The following PYGL variants were observed in gnomAD, a reference collection of about 807,000 sequenced individuals.
PYGL encodes glycogen phosphorylase, liver form.
PYGL carries 90 observed loss-of-function variants against 100.1 expected under a neutral mutation model. The ratio of observed to expected loss-of-function variants is 0.90; its 90% CI spans 0.76 to 1.07. The LOEUF (loss-of-function observed/expected upper bound fraction) is 1.07, where lower values mean the gene tolerates loss of function less well. Among genes scored for constraint, PYGL ranks in the 50% least tolerant of loss-of-function variants. PYGL has a pLI of 0.00. For synonymous variants in PYGL, 373 were observed against 393.0 expected (o/e 0.95, Z 0.60); for missense variants, 1,016 against 1,057.6 (o/e 0.96, Z 0.55).
intron 16 of PYGL, among the ~76,000 whole-genome samples, chr14:50,911,332 C>T (rs778244221): frequency 5.3e-5 from 8 of 152,200 alleles, no homozygotes; most frequent in Non-Finnish European, 1.2e-4. Context: ...AAGTGACAGC[C>T]CTTCTTCTCA....
intron 1 of PYGL, among the ~76,000 whole-genome samples, chr14:50,941,806 A>C (rs1277380091): frequency 1.3e-5 from 2 of 152,178 alleles, no homozygotes; most frequent in East Asian, 3.8e-4. Context: ...TGAACCCGAG[A>C]GGCAGAGGTT....
Position 50,944,434 on chromosome 14 carries a change from C to T in PYGL, c.-31G>A, listed in dbSNP as rs2050732991. ...GGGCGGCGGGCTGCGCGGCGGGCTGCGCAGAGAGCTGGAAGTGCGGCCGGA... is the reference window on the plus strand; with the variant it reads ...GGGCGGCGGGCTGCGCGGCGGGCTGTGCAGAGAGCTGGAAGTGCGGCCGGA... On this transcript the variant is annotated 5_prime_UTR_variant, in exon 1 of 20. Transcript: ENST00000216392. 12 of 1,580,636 alleles carry T rather than the reference C, an allele frequency of 7.6e-6. No individual in the cohort carries two copies. Among genetic ancestry groups the T allele is most frequent in the Non-Finnish European group, 1.0e-5 (12 of 1,166,708 alleles).
At chr14:50,931,871 G>T in intron 3 of PYGL, 95 bp from the exon 4 acceptor site, 1 of 942,830 alleles carries the variant, frequency 1.1e-6, no homozygotes, top group Non-Finnish European at 1.7e-6. Flanking sequence ...ACAAAACATT[G>T]TTATATGAAG....
intron 4 of PYGL, among the ~76,000 whole-genome samples, chr14:50,929,173 C>T (rs530864855): frequency 6.6e-5 from 10 of 152,264 alleles, no homozygotes; most frequent in Admixed American, 5.9e-4. Flanking sequence ...GCCTCAGCCC[C>T]CAAGTAGCTG....
chr14:50,941,981 T>C (rs1235703498), intron 1 of PYGL, among the ~76,000 whole-genome samples: 5 of 152,184 alleles, frequency 3.3e-5, no homozygotes, highest in Admixed American at 6.5e-5. Flanking sequence ...CTAGATATGT[T>C]CACTAAACAC....
Position 50,905,230 on chromosome 14 carries a change from T to C in PYGL, c.*162A>G, listed in dbSNP as rs2050318188. On this transcript the variant is annotated 3_prime_UTR_variant, in exon 20 of 20. Coordinates refer to ENST00000216392, the MANE Select transcript of PYGL (RefSeq NM_002863.5). ...TTGGCACTCATGTAGCCCTTGGAAATTGACACTTTATTTTTAAGCTCTATT... is the reference window on the plus strand; with the variant it reads ...TTGGCACTCATGTAGCCCTTGGAAACTGACACTTTATTTTTAAGCTCTATT... The C allele has an allele frequency of 6.8e-6, 5 of 734,144 alleles. No individual in the cohort carries two copies. In the East Asian group the frequency reaches 1.4e-4, roughly 20 times the overall value. The allele number at this position is 734,144 out of a possible 1,614,324, so 45.5% of individuals were successfully genotyped here.
At chr14:50,936,856 C>G (rs1398501606) in intron 2 of PYGL, among the ~76,000 whole-genome samples, 1 of 151,608 alleles carries the variant, frequency 6.6e-6, no homozygotes, top group Non-Finnish European at 1.5e-5. Flanking sequence ...CCCTGCCTGG[C>G]TATAGGCTAC....
In PYGL at chr14:50,917,037, G is replaced by A; in HGVS notation, c.924C>T (p.Ile308=). ...ACTTGGAGGCTTTGAAACGGCGGAT[G>A]ATATCTTGCAAGGTTGCAGCCACCA... is the stretch of plus-strand genomic sequence containing the variant. The part of the protein sequence containing the change: ...YFVVAATLQD[I]IRRFKASKFG... Residue 308 remains isoleucine (I), a synonymous_variant, in exon 8 of 20, where the codon ATC becomes ATT. Coordinates refer to ENST00000216392, the MANE Select transcript of PYGL (RefSeq NM_002863.5). 6.2e-7 allele frequency: 1 copy of A among 1,613,922 alleles called. No individual in the cohort carries two copies. Among genetic ancestry groups the A allele is most frequent in the Non-Finnish European group, 8.5e-7 (1 of 1,179,772 alleles).
chr14:50,932,519 G>C (rs979588912), intron 3 of PYGL, among the ~76,000 whole-genome samples: 1 of 152,182 alleles, frequency 6.6e-6, no homozygotes, highest in Admixed American at 6.5e-5. Context: ...AAAGACAAAA[G>C]GACCAGAGAC....
chr14:50,911,087 T>C (rs998352228), intron 16 of PYGL, among the ~76,000 whole-genome samples: 9 of 152,282 alleles, frequency 5.9e-5, no homozygotes, highest in African/African-American at 1.9e-4. Context: ...CCTTTTCAGT[T>C]TGGGAAGTGG....
At position 50,908,238 on chromosome 14, in the gene PYGL, G is replaced by C. The variant is rs567416477; in HGVS notation, c.2379+33C>G. 3 of 1,513,582 alleles carry C rather than the reference G, an allele frequency of 2.0e-6. No individual in the cohort carries two copies. In the African/African-American group the frequency reaches 4.1e-5, roughly 21 times the overall value. The allele number at this position is 1,513,582 out of a possible 1,614,324, so 93.8% of individuals were successfully genotyped here. On this transcript the variant is annotated intron_variant, in intron 19 of 19. Coordinates refer to ENST00000216392, the MANE Select transcript of PYGL (RefSeq NM_002863.5). The stretch of plus-strand genomic sequence containing the variant: ...ACATTTTAATGAATCATAGTAAACT[G>C]GTTTTCTTTATAAATCTTGGCAATT...
At chr14:50,944,066 CCACTCTGAGG>C (rs2050725934) in intron 1 of PYGL, 85 bp downstream of exon 1, 2 of 1,443,738 alleles carry the variant, frequency 1.4e-6, no homozygotes, top group African/African-American at 1.4e-5. Context: ...GTGCAAGGGA[CCACTCTGAGG>C]GGTTCTCCAC....
chr14:50,934,450 C>T (rs2050633836), intron 3 of PYGL, among the ~76,000 whole-genome samples: 2 of 152,106 alleles, frequency 1.3e-5, no homozygotes, highest in South Asian at 4.1e-4. Context: ...AAAGACACTA[C>T]TTTTGACCTA....
At chr14:50,914,313 A>C (rs935761908) in intron 12 of PYGL, among the ~76,000 whole-genome samples, 1 of 152,170 alleles carries the variant, frequency 6.6e-6, no homozygotes, top group Admixed American at 6.5e-5. Context: ...CCTGGCCAAC[A>C]TGGTAAAACC....
intron 5 of PYGL, among the ~76,000 whole-genome samples, chr14:50,922,112 C>T (rs2050508333): frequency 6.6e-6 from 1 of 152,126 alleles, no homozygotes; most frequent in Non-Finnish European, 1.5e-5. Flanking sequence ...CATTTTTATT[C>T]CCGGCCTCAT....
intron 7 of PYGL, 115 bp downstream of exon 7, chr14:50,920,426 C>T: frequency 9.7e-7 from 1 of 1,035,880 alleles, no homozygotes; most frequent in South Asian, 1.3e-5. Flanking sequence ...AAATACGGAG[C>T]TTGTTCTGCA....
In PYGL at chr14:50,908,960, G is replaced by T; in HGVS notation, c.2178-5C>A. On this transcript the variant is annotated splice_polypyrimidine_tract_variant and splice_region_variant and intron_variant, in intron 17 of 19. Transcript: ENST00000216392. ...TAGTATTCTTTTGCCTCGTACCTGTGGGGTAGGGGTGGGTGGGTGATAAAA... is the reference window on the plus strand; with the variant it reads ...TAGTATTCTTTTGCCTCGTACCTGTTGGGTAGGGGTGGGTGGGTGATAAAA... 1 of 1,594,864 alleles carries T rather than the reference G, an allele frequency of 6.3e-7. No homozygotes were observed.
intron 18 of PYGL, 57 bp from the exon 19 acceptor site, chr14:50,908,394 T>C (rs1159963576): frequency 5.8e-6 from 8 of 1,387,362 alleles, no homozygotes; most frequent in South Asian, 1.2e-5. Context: ...TTAATAGATA[T>C]ATGCTAAAAT....
At chr14:50,912,422 G>T in intron 13 of PYGL, 119 bp from the exon 14 acceptor site, 1 of 1,279,764 alleles carries the variant, frequency 7.8e-7, no homozygotes, top group Non-Finnish European at 1.1e-6. Flanking sequence ...GCAGTGGCAT[G>T]ATCTCAGATC....
Sources: allele counts gnomAD v4.1 joint callset (sites outside exome capture counted in the v4.1 genomes callset), GRCh38; gene constraint gnomAD v4.1.1; transcripts MANE v1.5; gene names NCBI Gene and HGNC (gene_info 2026-07-23, HGNC 2026-07-21).